The following COL6A5 variants were observed in gnomAD, a reference collection of about 807,000 sequenced individuals.
The protein encoded by COL6A5 is collagen type VI alpha 5 chain.
In COL6A5, 48 loss-of-function variants were observed where a neutral mutation model predicts 65.6. The ratio of observed to expected loss-of-function variants is 0.73; its 90% CI spans 0.58 to 0.93. COL6A5 has a LOEUF of 0.93. Among genes scored for constraint, COL6A5 ranks in the 40% least tolerant of loss-of-function variants. The probability of loss-of-function intolerance (pLI) is 0.00; values close to 1 mark genes in which losing one functional copy is unlikely to be tolerated. For synonymous variants in COL6A5, 291 were observed against 322.8 expected, an observed-to-expected ratio of 0.90 and a Z score of 1.05; for missense variants, 914 against 928.3, an observed-to-expected ratio of 0.98 and a Z score of 0.20.
intron 5 of COL6A5, among the ~76,000 whole-genome samples, chr3:130,456,762 G>A (rs1458977815): frequency 6.6e-6 from 1 of 152,024 alleles, no homozygotes; most frequent in Non-Finnish European, 1.5e-5. Flanking sequence ...GAGTACATAA[G>A]TATAAGAGAA....
At chr3:130,429,669 C>T (rs186225064), upstream of COL6A5, 2,060 of 1,142,870 alleles carry the variant, frequency 1.8e-3, 5 homozygotes, top group Non-Finnish European at 1.5e-3. Flanking sequence ...CCCTCAACTC[C>T]GTGGGAAACA....
chr3:130,443,667 C>A, intron 4 of COL6A5, 101 bp downstream of exon 36: 1 of 624,952 alleles, frequency 1.6e-6, no homozygotes. Flanking sequence ...CTAACAAGGT[C>A]TCTGAAGTAG....
chr3:130,439,197 C>T (rs1215716658), intron 1 of COL6A5, among the ~76,000 whole-genome samples: 2 of 151,864 alleles, frequency 1.3e-5, no homozygotes, highest in Non-Finnish European at 2.9e-5. Context: ...GAATTGCAGG[C>T]TTGGAAATGA....
intron 2 of COL6A5, 67 bp from the exon 3 acceptor site, chr3:130,376,170 G>T: frequency 6.8e-7 from 1 of 1,460,350 alleles, no homozygotes; most frequent in Admixed American, 2.4e-5. Flanking sequence ...TCTTAAATAA[G>T]TATTGTGGTC....
intron 1 of COL6A5, among the ~76,000 whole-genome samples, chr3:130,359,691 G>A (rs548723065): frequency 3.4e-4 from 51 of 152,092 alleles, no homozygotes; most frequent in African/African-American, 1.2e-3. Flanking sequence ...TGTAGGACCC[G>A]CAGAAGTCAT....
At chr3:130,356,186 C>T (rs1210982388) in intron 1 of COL6A5, among the ~76,000 whole-genome samples, 2 of 152,088 alleles carry the variant, frequency 1.3e-5, no homozygotes, top group African/African-American at 4.8e-5. Context: ...GTCAGATAAT[C>T]ATGGTAAACA....
exon 8 of COL6A5, chr3:130,484,743 A>G: frequency 2.5e-6 from 1 of 398,988 alleles, no homozygotes; most frequent in Non-Finnish European, 4.4e-6. Context: ...TTGCAGCAAA[A>G]GAATTACGGA....
At chr3:130,442,657 C>T (rs1390266059) in intron 3 of COL6A5, among the ~76,000 whole-genome samples, 4 of 152,170 alleles carry the variant, frequency 2.6e-5, no homozygotes, top group African/African-American at 9.7e-5. Context: ...TTGGTGCTGG[C>T]ATGTTTGCTG....
intron 1 of COL6A5, among the ~76,000 whole-genome samples, chr3:130,437,759 A>G (rs751477884): frequency 1.3e-5 from 2 of 151,936 alleles, no homozygotes; most frequent in African/African-American, 2.4e-5. Context: ...GCTATTTCCT[A>G]TGCCAGAAAT....
intron 1 of COL6A5, among the ~76,000 whole-genome samples, chr3:130,363,106 G>GT (rs933269601): frequency 4.0e-5 from 6 of 151,670 alleles, no homozygotes; most frequent in East Asian, 3.9e-4. Flanking sequence ...ACTCTTTTCT[G>GT]TTTTTTTGTG....
upstream of COL6A5, among the ~76,000 whole-genome samples, chr3:130,426,578 G>A (rs1278295337): frequency 6.6e-6 from 1 of 152,084 alleles, no homozygotes; most frequent in Non-Finnish European, 1.5e-5. Context: ...GAGAGGAAAG[G>A]GGGTATAAGT....
At chr3:130,473,107 C>G (rs1318844338) in intron 7 of COL6A5, among the ~76,000 whole-genome samples, 2 of 151,534 alleles carry the variant, frequency 1.3e-5, no homozygotes, top group African/African-American at 4.8e-5. Context: ...ATATATGGTT[C>G]TCATCAAAAT....
At chr3:130,454,147 A>G (rs1406662243) in intron 4 of COL6A5, among the ~76,000 whole-genome samples, 3 of 152,226 alleles carry the variant, frequency 2.0e-5, no homozygotes, top group African/African-American at 7.2e-5. Context: ...AAGTTAATAC[A>G]TCAAATCCAG....
chr3:130,449,600 A>G (rs1709381763), intron 4 of COL6A5, among the ~76,000 whole-genome samples: 1 of 152,098 alleles, frequency 6.6e-6, no homozygotes, highest in Non-Finnish European at 1.5e-5. Context: ...AATAACAGAA[A>G]CATCAGCACC....
At chr3:130,480,603 AT>A (rs1205342578) in intron 7 of COL6A5, among the ~76,000 whole-genome samples, 1 of 152,134 alleles carries the variant, frequency 6.6e-6, no homozygotes, top group African/African-American at 2.4e-5. Flanking sequence ...TTAAGGTTTT[AT>A]TTTTAAATGT....
chr3:130,433,361 A>T (rs1220064865), intron 1 of COL6A5, among the ~76,000 whole-genome samples: 1 of 152,178 alleles, frequency 6.6e-6, no homozygotes, highest in East Asian at 1.9e-4. Flanking sequence ...AGCCCTCAGA[A>T]TCCCCAATGA....
At chr3:130,409,601 G>T (rs1315967315) in intron 18 of COL6A5, among the ~76,000 whole-genome samples, 1 of 152,134 alleles carries the variant, frequency 6.6e-6, no homozygotes, top group Non-Finnish European at 1.5e-5. Context: ...GAGACTTTCT[G>T]GTTCCTTTGG....
chr3:130,383,671 A>G (rs974191096), intron 4 of COL6A5, among the ~76,000 whole-genome samples: 3 of 152,102 alleles, frequency 2.0e-5, no homozygotes, highest in Non-Finnish European at 4.4e-5. Flanking sequence ...CAGTAGCTAT[A>G]AATTACCTAA....
chr3:130,444,882 T>C (rs952217299), intron 4 of COL6A5, among the ~76,000 whole-genome samples: 3 of 152,220 alleles, frequency 2.0e-5, no homozygotes, highest in Non-Finnish European at 4.4e-5. Flanking sequence ...CTAGAAGTTG[T>C]CCTTTGACCA....
Sources: allele counts gnomAD v4.1 joint callset (sites outside exome capture counted in the v4.1 genomes callset), GRCh38; gene constraint gnomAD v4.1.1; transcripts MANE v1.5; gene names NCBI Gene and HGNC (gene_info 2026-07-23, HGNC 2026-07-21).